AMD1: variants seen among roughly 807,000 people sequenced by gnomAD.
AMD1 encodes S-adenosylmethionine decarboxylase proenzyme.
In AMD1, 11 loss-of-function variants were observed where a neutral mutation model predicts 40.2. That is an observed-to-expected ratio of 0.27 (90% CI 0.17 to 0.45). The LOEUF (loss-of-function observed/expected upper bound fraction) is 0.45, where lower values mean the gene tolerates loss of function less well. AMD1 is among the 20% of genes least tolerant of loss of function. The pLI is 1.00. For synonymous variants in AMD1, 121 were observed against 130.8 expected (o/e 0.93, Z 0.51); for missense variants, 257 against 410.2 (o/e 0.63, Z 3.23).
At chr6:110,836,206 T>C in the AMD1 span, among the ~76,000 whole-genome samples, 12 of 152,096 alleles carry the variant, frequency 7.9e-5, no homozygotes, top group East Asian at 2.3e-3. Flanking sequence ...CTTAAGAAAG[T>C]AATTAGACAA....
chr6:110,845,614 A>G, the AMD1 span, among the ~76,000 whole-genome samples: 1 of 152,018 alleles, frequency 6.6e-6, no homozygotes, highest in Non-Finnish European at 1.5e-5. Flanking sequence ...TGGGTCATTA[A>G]ACTCCTAATA....
chr6:110,872,551 G>A (rs1467809758), upstream of AMD1, among the ~76,000 whole-genome samples: 1 of 152,170 alleles, frequency 6.6e-6, no homozygotes, highest in Non-Finnish European at 1.5e-5. Flanking sequence ...AATGGTAAAT[G>A]TATTTTGGAC....
At chr6:110,857,927 T>C in the AMD1 span, among the ~76,000 whole-genome samples, 1 of 151,908 alleles carries the variant, frequency 6.6e-6, no homozygotes, top group Non-Finnish European at 1.5e-5. Flanking sequence ...CTAGAACTTC[T>C]GAACTCAAGC....
At position 110,893,165 on chromosome 6, in the gene AMD1, A is replaced by G. The variant is rs902179271; in HGVS notation, c.864+100A>G. On this transcript the variant is annotated intron_variant, in intron 8 of 8. Transcript: ENST00000368885. Reference sequence around the variant, plus strand: ...AGATGTATTCTGAGATAGCACATATACCAGCCACTCAGATATCCAGAAGTA... The same window carrying G: ...AGATGTATTCTGAGATAGCACATATGCCAGCCACTCAGATATCCAGAAGTA... 48 of 1,085,566 alleles carry G rather than the reference A, an allele frequency of 4.4e-5. No individual in the cohort carries two copies. The East Asian group carries it at 1.2e-3, about 27-fold the overall frequency. The allele number at this position is 1,085,566 out of a possible 1,614,324, so 67.2% of individuals were successfully genotyped here.
intron 3 of AMD1, 169 bp downstream of exon 3, chr6:110,889,152 A>G (rs1785872270): frequency 1.1e-5 from 7 of 610,414 alleles, no homozygotes; most frequent in Non-Finnish European, 1.7e-5. Flanking sequence ...AGAACAGCAG[A>G]AAATAGGAAG....
At chr6:110,847,065 T>G in the AMD1 span, among the ~76,000 whole-genome samples, 531 of 85,144 alleles carry the variant, frequency 6.2e-3, no homozygotes, top group African/African-American at 0.024. Context: ...GTGTGTGTGG[T>G]GTGTGTGTGT....
chr6:110,821,310 T>C, the AMD1 span, among the ~76,000 whole-genome samples: 7 of 152,016 alleles, frequency 4.6e-5, no homozygotes, highest in Admixed American at 4.6e-4. Flanking sequence ...ATAAACACAC[T>C]GAGACAAGCC....
chr6:110,864,786 A>C, the AMD1 span, among the ~76,000 whole-genome samples: 1 of 152,240 alleles, frequency 6.6e-6, no homozygotes, highest in Non-Finnish European at 1.5e-5. Flanking sequence ...TAGACACAGC[A>C]AGAGGGGCCC....
In AMD1 at chr6:110,887,705, T is replaced by G. The variant is rs565655586; in HGVS notation, c.197+114T>G. On this transcript the variant is annotated intron_variant, in intron 2 of 8. Transcript: ENST00000368885. The stretch of plus-strand genomic sequence containing the variant: ...GGGTTTTTTTGTTTTGTTTTGTTTT[T>G]TTGAGACGGAGTTTCAGTCACCCAG... 1.9e-3 allele frequency: 1,337 copies of G among 722,532 alleles called. 4 individuals carry two copies. Among genetic ancestry groups the G allele is most frequent in the Non-Finnish European group, 2.6e-3 (1,255 of 475,764 alleles). The allele number at this position is 722,532 out of a possible 1,614,324, so 44.8% of individuals were successfully genotyped here.
chr6:110,845,199 C>A, the AMD1 span, among the ~76,000 whole-genome samples: 3 of 151,930 alleles, frequency 2.0e-5, no homozygotes, highest in Non-Finnish European at 4.4e-5. Flanking sequence ...CCACCACGCC[C>A]GGCTAATTTT....
chr6:110,863,555 A>G, the AMD1 span, among the ~76,000 whole-genome samples: 1 of 151,498 alleles, frequency 6.6e-6, no homozygotes, highest in Non-Finnish European at 1.5e-5. Flanking sequence ...TTTTTAGTAG[A>G]GACGGGGTTT....
At chr6:110,885,256 C>T (rs1160274035) in intron 1 of AMD1, among the ~76,000 whole-genome samples, 3 of 151,954 alleles carry the variant, frequency 2.0e-5, no homozygotes, top group East Asian at 1.9e-4. Context: ...GGATTATAGA[C>T]GCCCACCACT....
the AMD1 span, among the ~76,000 whole-genome samples, chr6:110,826,375 G>A: frequency 6.6e-6 from 1 of 151,594 alleles, no homozygotes. Context: ...TAGGGTATGA[G>A]AAGGGCTTGA....
intron 1 of AMD1, 26 bp downstream of exon 1, chr6:110,875,241 A>G: frequency 6.4e-7 from 1 of 1,560,718 alleles, no homozygotes; most frequent in East Asian, 2.4e-5. Context: ...GCTCGCTGAC[A>G]TCCGGGCCTG....
the AMD1 span, among the ~76,000 whole-genome samples, chr6:110,822,294 C>T: frequency 5.9e-5 from 9 of 152,142 alleles, no homozygotes; most frequent in Non-Finnish European, 1.5e-5. Flanking sequence ...TTTGAGACTG[C>T]TATGAACAAC....
In AMD1 at chr6:110,875,083, G is replaced by A. The variant is rs762221800; in HGVS notation, c.-23G>A. On this transcript the variant is annotated 5_prime_UTR_variant, in exon 1 of 9. Coordinates refer to ENST00000368885, the MANE Select transcript of AMD1 (RefSeq NM_001634.6). ...ATTTAGTTGATTTTCTGTGGTTGTT[G>A]GTTGTTCGCTAGTCTCACGGTGATG... is the stretch of plus-strand genomic sequence containing the variant. 4 of 1,587,988 alleles carry A rather than the reference G, an allele frequency of 2.5e-6. No individual in the cohort carries two copies. Among genetic ancestry groups the A allele is most frequent in the South Asian group, 2.2e-5 (2 of 89,680 alleles).
the AMD1 span, among the ~76,000 whole-genome samples, chr6:110,863,293 G>A: frequency 6.7e-6 from 1 of 149,728 alleles, no homozygotes; most frequent in African/African-American, 2.5e-5. Flanking sequence ...GTAGATACAT[G>A]TCTTTTACTT....
upstream of AMD1, among the ~76,000 whole-genome samples, chr6:110,870,486 G>A (rs1003953278): frequency 2.0e-5 from 3 of 152,114 alleles, no homozygotes; most frequent in Non-Finnish European, 4.4e-5. Context: ...AGCCAGGCAT[G>A]GTGGCACTTG....
At chr6:110,821,418 AC>A in the AMD1 span, among the ~76,000 whole-genome samples, 3 of 152,134 alleles carry the variant, frequency 2.0e-5, no homozygotes, top group African/African-American at 7.2e-5. Context: ...CCAAGAGACC[AC>A]CCTAGTCAAC....
Sources: gnomAD v4.1 joint callset for allele counts (sites outside exome capture counted in the v4.1 genomes callset) on GRCh38, gnomAD v4.1.1 for gene constraint, MANE v1.5 for transcripts, NCBI Gene and HGNC (gene_info 2026-07-23, HGNC 2026-07-21) for gene names.